SNRNP40: variants seen among roughly 807,000 people sequenced by gnomAD.
SNRNP40 encodes the protein U5 small nuclear ribonucleoprotein 40 kDa protein.
Under a neutral mutation model 45.8 loss-of-function variants are expected in SNRNP40, and 21 were observed. The ratio of observed to expected loss-of-function variants is 0.46; its 90% confidence interval spans 0.32 to 0.66. The LOEUF (loss-of-function observed/expected upper bound fraction) is 0.66, where lower values mean the gene tolerates loss of function less well. Ranked by LOEUF, SNRNP40 falls within the 30% of genes least tolerant of loss-of-function variation. The pLI, the probability that SNRNP40 is intolerant of heterozygous loss-of-function variation, is 0.03. For synonymous variants in SNRNP40, 142 were observed against 163.8 expected (o/e 0.87, Z 1.01); for missense variants, 344 against 439.1 (o/e 0.78, Z 1.94).
At chr1:31,285,429 G>A (rs1423008155) in intron 4 of SNRNP40, among the ~76,000 whole-genome samples, 1 of 152,030 alleles carries the variant, frequency 6.6e-6, no homozygotes, top group African/African-American at 2.4e-5. Context: ...AGTAGAGACA[G>A]GGTTTCTTCA....
chr1:31,287,402 A>G (rs2148389748), intron 4 of SNRNP40, among the ~76,000 whole-genome samples: 1 of 152,338 alleles, frequency 6.6e-6, no homozygotes, highest in Non-Finnish European at 1.5e-5. Flanking sequence ...GGCAGAAGAG[A>G]AGCAAAAAAC....
chr1:31,288,585 A>C (rs1476415702), intron 4 of SNRNP40, among the ~76,000 whole-genome samples: 1 of 152,102 alleles, frequency 6.6e-6, no homozygotes. Flanking sequence ...CATCTGACTA[A>C]ACGATGTTTA....
chr1:31,268,669 A>G (rs1157056650), intron 7 of SNRNP40, among the ~76,000 whole-genome samples: 1 of 152,252 alleles, frequency 6.6e-6, no homozygotes, highest in Non-Finnish European at 1.5e-5. Context: ...AGCTTCTTTC[A>G]ATAGAGCTGA....
intron 5 of SNRNP40, among the ~76,000 whole-genome samples, chr1:31,274,926 T>C (rs1468998625): frequency 6.6e-6 from 1 of 152,196 alleles, no homozygotes; most frequent in Non-Finnish European, 1.5e-5. Context: ...GAACAGGCAG[T>C]GCTACCTAAG....
chr1:31,286,545 TG>T (rs1021897176), intron 4 of SNRNP40, among the ~76,000 whole-genome samples: 3 of 152,248 alleles, frequency 2.0e-5, no homozygotes, highest in African/African-American at 7.2e-5. Context: ...GTCATCATCT[TG>T]CTCAGTCTCA....
chr1:31,259,646 GAC>G lies in SNRNP40; in HGVS notation c.*424_*425del, dbSNP rs1481760127. 2 of 403,732 alleles carry G rather than the reference GAC, an allele frequency of 5.0e-6. No individual in the cohort carries two copies. Among genetic ancestry groups the G allele is most frequent in the African/African-American group, 2.1e-5 (1 of 46,902 alleles). 25.0% of individuals were successfully genotyped at this position (403,732 alleles called of 1,614,324 possible). On this transcript the variant is annotated 3_prime_UTR_variant, in exon 10 of 10. Transcript: ENST00000263694. ...TATAGCAATCAAGCCTCAAAAAAAA[GAC>G]AGCAATAAATCCAATCCACATGGCT...
At chr1:31,274,261 C>T (rs1645959595) in intron 5 of SNRNP40, among the ~76,000 whole-genome samples, 1 of 152,002 alleles carries the variant, frequency 6.6e-6, no homozygotes, top group East Asian at 1.9e-4. Flanking sequence ...TGATTGAGAC[C>T]GAGTCTCCCT....
At position 31,280,331 on chromosome 1, in the gene SNRNP40, T is replaced by C. The variant is rs1402641808; in HGVS notation, c.654+1043A>G. Reference sequence around the variant, plus strand: ...GCACACCACCATCACATCCAGCTAATTTTTGTATTTTCAGTAGAGACGAGG... The same window carrying C: ...GCACACCACCATCACATCCAGCTAACTTTTGTATTTTCAGTAGAGACGAGG... On this transcript the variant is annotated intron_variant, in intron 5 of 9. Transcript: ENST00000263694. Among the ~76,000 whole-genome samples the C allele has an allele frequency of 2.6e-5, 4 of 151,706 alleles. No individual in the cohort carries two copies. In the East Asian group the frequency reaches 7.9e-4, roughly 30 times the overall value.
chr1:31,290,833 G>C (rs1317593258), intron 3 of SNRNP40, among the ~76,000 whole-genome samples: 1 of 151,670 alleles, frequency 6.6e-6, no homozygotes, highest in African/African-American at 2.4e-5. Context: ...AGCCGAGATC[G>C]CACCACTGCA....
At chr1:31,276,711 AC>A (rs1486653200) in intron 5 of SNRNP40, among the ~76,000 whole-genome samples, 3 of 151,926 alleles carry the variant, frequency 2.0e-5, no homozygotes, top group South Asian at 4.2e-4. Flanking sequence ...TGTGTTGAGA[AC>A]CCATTTCTAA....
intron 8 of SNRNP40, among the ~76,000 whole-genome samples, chr1:31,266,866 G>A (rs984826840): frequency 2.0e-5 from 3 of 152,228 alleles, no homozygotes; most frequent in African/African-American, 4.8e-5. Flanking sequence ...ACTGACAACA[G>A]TGCCATGGGT....
intron 1 of SNRNP40, 60 bp from the exon 2 acceptor site, chr1:31,293,408 A>G (rs1365622282): frequency 1.3e-6 from 2 of 1,513,908 alleles, no homozygotes; most frequent in African/African-American, 1.4e-5. Context: ...CTACAAAATT[A>G]GGGGGTGGGG....
At chr1:31,274,854 C>T (rs1356034747) in intron 5 of SNRNP40, among the ~76,000 whole-genome samples, 2 of 152,118 alleles carry the variant, frequency 1.3e-5, no homozygotes, top group Admixed American at 6.6e-5. Flanking sequence ...CAAATATACA[C>T]AGAATTTGTT....
At chr1:31,292,475 T>C (rs1646114668) in intron 2 of SNRNP40, among the ~76,000 whole-genome samples, 1 of 152,244 alleles carries the variant, frequency 6.6e-6, no homozygotes. Flanking sequence ...TCCAGACGTT[T>C]GGCCACTAGT....
chr1:31,292,940 G>T, intron 2 of SNRNP40: 1 of 421,632 alleles, frequency 2.4e-6, no homozygotes, highest in Non-Finnish European at 4.3e-6. Flanking sequence ...AAGTGCCTTG[G>T]TAAATTAGCT....
rs1207034618 is a variant in SNRNP40, at chr1:31,261,120, T to C, written c.1024+409A>G. The C allele has an allele frequency of 1.6e-4, 125 of 789,008 alleles. 1 individual carries two copies. Among genetic ancestry groups the C allele is most frequent in the Non-Finnish European group, 2.2e-4 (116 of 538,968 alleles). 48.9% of individuals were successfully genotyped at this position (789,008 alleles called of 1,614,324 possible). On this transcript the variant is annotated intron_variant, in intron 9 of 9. Transcript: ENST00000263694. Reference sequence around the variant, plus strand: ...CTTTGGGAGGCTGAGGCGGGTGGATTACTGGACGTCAGGAGTTCGTGACCA... The same window carrying C: ...CTTTGGGAGGCTGAGGCGGGTGGATCACTGGACGTCAGGAGTTCGTGACCA...
In SNRNP40 at chr1:31,294,914, C is replaced by T. The variant is rs1010139408; in HGVS notation, c.142-1566G>A. On this transcript the variant is annotated intron_variant, in intron 1 of 9. Coordinates refer to ENST00000263694, the MANE Select transcript of SNRNP40 (RefSeq NM_004814.3). ...CCGAGATTGCGCCACTCCACTCCAG[C>T]CTGGGTGACAAGAGCAAAATTCCAT... Among the ~76,000 whole-genome samples, 12 of 149,884 alleles carry T rather than the reference C, an allele frequency of 8.0e-5. No individual in the cohort carries two copies. In the East Asian group the frequency reaches 1.6e-3, roughly 20 times the overall value.
At chr1:31,287,398 A>G (rs915763019) in intron 4 of SNRNP40, among the ~76,000 whole-genome samples, 1 of 152,250 alleles carries the variant, frequency 6.6e-6, no homozygotes, top group African/African-American at 2.4e-5. Flanking sequence ...TTAAGGCAGA[A>G]GAGAAGCAAA....
At chr1:31,265,793 T>C (rs1005154756) in intron 8 of SNRNP40, among the ~76,000 whole-genome samples, 3 of 152,104 alleles carry the variant, frequency 2.0e-5, no homozygotes, top group African/African-American at 7.2e-5. Context: ...TGAGCAGAGA[T>C]TGCACCACTG....
Sources: gnomAD v4.1 joint callset for allele counts (sites outside exome capture counted in the v4.1 genomes callset) on GRCh38, gnomAD v4.1.1 for gene constraint, MANE v1.5 for transcripts, NCBI Gene and HGNC (gene_info 2026-07-23, HGNC 2026-07-21) for gene names.